Variants in PIGN observed in about 807,000 individuals in gnomAD.
PIGN encodes the protein phosphatidylinositol glycan anchor biosynthesis class N, also known as GPI ethanolamine phosphate transferase 1.
A neutral mutation model predicts 125.4 loss-of-function variants in PIGN; 117 were observed. The observed-to-expected ratio is 0.93, with a 90% CI of 0.80 to 1.09. The LOEUF (loss-of-function observed/expected upper bound fraction) is 1.09, where lower values mean the gene tolerates loss of function less well. Ranked by LOEUF, PIGN falls within the 50% of genes least tolerant of loss-of-function variation. PIGN has a pLI of 0.00. For synonymous variants in PIGN, 392 were observed against 377.8 expected, an observed-to-expected ratio of 1.04 and a Z score of -0.44; for missense variants, 1,075 against 1,094.9, an observed-to-expected ratio of 0.98 and a Z score of 0.26.
At chr18:62,064,517 CACAT>C (rs1281514429) in intron 30 of PIGN, among the ~76,000 whole-genome samples, 1 of 152,166 alleles carries the variant, frequency 6.6e-6, no homozygotes, top group Non-Finnish European at 1.5e-5. Context: ...ATTTATTAAA[CACAT>C]ACACAATGCA....
intron 30 of PIGN, among the ~76,000 whole-genome samples, chr18:62,050,416 GT>G (rs1471645801): frequency 2.0e-5 from 3 of 152,078 alleles, no homozygotes; most frequent in Non-Finnish European, 4.4e-5. Context: ...GGTCCTTCAT[GT>G]CCCATGTAAG....
intron 28 of PIGN, among the ~76,000 whole-genome samples, chr18:62,078,687 GGTTA>G (rs1328000594): frequency 6.6e-6 from 1 of 152,184 alleles, no homozygotes; most frequent in African/African-American, 2.4e-5. Context: ...ATTGAAGTCA[GGTTA>G]GTTATATGGT....
At chr18:62,145,598 T>A (rs530642291) in intron 10 of PIGN, among the ~76,000 whole-genome samples, 2 of 152,218 alleles carry the variant, frequency 1.3e-5, no homozygotes, top group East Asian at 1.9e-4. Context: ...TCCTCTTTTT[T>A]AATTTTTATT....
intron 30 of PIGN, chr18:62,070,261 T>C (rs1031975557): frequency 7.6e-6 from 3 of 395,134 alleles, no homozygotes; most frequent in Middle Eastern, 6.3e-4. Flanking sequence ...CTCTGGCCAC[T>C]ATCCGCCTGG....
In PIGN at chr18:62,125,604, C is replaced by T. The variant is rs189992159; in HGVS notation, c.1173-10965G>A. ...AAGGTTCTTTACAGTGTGGAATTTA[C>T]TCTCCAAAAGAGTGATTATATACGT... On this transcript the variant is annotated intron_variant, in intron 14 of 30. Transcript: ENST00000640252. 9.9e-4 allele frequency among the ~76,000 whole-genome samples: 151 copies of T among 152,114 alleles called. 1 individual carries two copies. The highest frequency in any genetic ancestry group is 3.5e-3 in the African/African-American group (146 of 41,526).
chr18:62,074,857 C>A, intron 28 of PIGN, 36 bp from the exon 29 acceptor site: 1 of 1,420,168 alleles, frequency 7.0e-7, no homozygotes, highest in East Asian at 2.3e-5. Context: ...ACATCTAATA[C>A]AACAGGTGCA....
intron 14 of PIGN, among the ~76,000 whole-genome samples, chr18:62,122,111 AG>A (rs1183320823): frequency 6.6e-6 from 1 of 152,172 alleles, no homozygotes; most frequent in Non-Finnish European, 1.5e-5. Flanking sequence ...AGAAGAAATA[AG>A]AGCTGGTGTT....
chr18:62,032,948 G>A (rs1309075606), intron 23 of PIGN, among the ~76,000 whole-genome samples: 1 of 152,210 alleles, frequency 6.6e-6, no homozygotes, highest in Non-Finnish European at 1.5e-5. Context: ...TCAATTAAAG[G>A]TTTTGGTCAC....
intron 1 of PIGN, among the ~76,000 whole-genome samples, chr18:62,170,342 T>C (rs1193589588): frequency 2.0e-5 from 3 of 149,896 alleles, no homozygotes; most frequent in Non-Finnish European, 3.0e-5. Context: ...AGTATATTGG[T>C]GCTATTTTTC....
chr18:62,145,391 A>C (rs1935532549), intron 10 of PIGN, among the ~76,000 whole-genome samples: 1 of 152,156 alleles, frequency 6.6e-6, no homozygotes, highest in South Asian at 2.1e-4. Context: ...TACTGAAGAC[A>C]TGCTGTTGAG....
At chr18:62,091,221 G>A (rs549099271) in intron 23 of PIGN, among the ~76,000 whole-genome samples, 9 of 152,134 alleles carry the variant, frequency 5.9e-5, no homozygotes, top group South Asian at 2.1e-4. Context: ...GGTGGTGTGC[G>A]CCTGCCCAGC....
At chr18:62,101,889 A>G (rs1004167238) in intron 21 of PIGN, among the ~76,000 whole-genome samples, 16 of 152,148 alleles carry the variant, frequency 1.1e-4, no homozygotes, top group African/African-American at 3.9e-4. Context: ...ATCACATGAT[A>G]TGATCTCTGT....
At chr18:62,116,732 A>C (rs2035099956) in intron 14 of PIGN, among the ~76,000 whole-genome samples, 1 of 152,232 alleles carries the variant, frequency 6.6e-6, no homozygotes, top group Admixed American at 6.5e-5. Flanking sequence ...GTGCTAAAGC[A>C]CATAAAATGA....
intron 25 of PIGN, among the ~76,000 whole-genome samples, chr18:62,085,853 A>G (rs1029854762): frequency 6.6e-6 from 1 of 152,274 alleles, no homozygotes; most frequent in African/African-American, 2.4e-5. Flanking sequence ...ACTTACTGCT[A>G]GCAAAGCACT....
At chr18:62,083,217 TAC>T (rs1184677425) in intron 27 of PIGN, among the ~76,000 whole-genome samples, 1 of 152,060 alleles carries the variant, frequency 6.6e-6, no homozygotes, top group Non-Finnish European at 1.5e-5. Flanking sequence ...TTTAAAAAAA[TAC>T]ATTTATTTAT....
At chr18:62,034,857 G>C (rs1229802638) in intron 23 of PIGN, among the ~76,000 whole-genome samples, 3 of 152,234 alleles carry the variant, frequency 2.0e-5, no homozygotes, top group East Asian at 1.9e-4. Flanking sequence ...TAAGACTTTG[G>C]GGGACTGTTG....
chr18:62,138,682 A>G (rs1371535302), intron 13 of PIGN, among the ~76,000 whole-genome samples: 2 of 152,192 alleles, frequency 1.3e-5, no homozygotes, highest in African/African-American at 4.8e-5. Context: ...AAATGTTGCA[A>G]TCTCTAATAT....
At chr18:62,128,936 G>A (rs113310006) in intron 14 of PIGN, among the ~76,000 whole-genome samples, 3 of 152,080 alleles carry the variant, frequency 2.0e-5, no homozygotes, top group Admixed American at 6.6e-5. Flanking sequence ...AGTATACAAC[G>A]ATGTTTCATT....
At chr18:62,054,910 C>G (rs1057371684) in intron 30 of PIGN, among the ~76,000 whole-genome samples, 7 of 152,100 alleles carry the variant, frequency 4.6e-5, no homozygotes, top group African/African-American at 1.7e-4. Flanking sequence ...GACGTTTCAT[C>G]AAAGAGGATA....
Sources: allele counts gnomAD v4.1 joint callset (sites outside exome capture counted in the v4.1 genomes callset), GRCh38; gene constraint gnomAD v4.1.1; transcripts MANE v1.5; gene names NCBI Gene and HGNC (gene_info 2026-07-23, HGNC 2026-07-21).